Variants in UTS2 observed in about 807,000 individuals in gnomAD.
UTS2 encodes urotensin 2, also known as urotensin-2.
In UTS2, 10 loss-of-function variants were observed where a neutral mutation model predicts 12.6. The ratio of observed to expected loss-of-function variants is 0.80; its 90% CI spans 0.49 to 1.35. UTS2 has a LOEUF of 1.35. UTS2 is among the 40% of genes most tolerant of loss of function. UTS2 has a pLI of 0.00. For synonymous variants in UTS2, 52 were observed against 50.0 expected, an observed-to-expected ratio of 1.04 and a Z score of -0.17; for missense variants, 142 against 143.2, an observed-to-expected ratio of 0.99 and a Z score of 0.04.
chr1:7,860,517 T>C, the UTS2 span, among the ~76,000 whole-genome samples: 1 of 152,090 alleles, frequency 6.6e-6, no homozygotes, highest in African/African-American at 2.4e-5. Flanking sequence ...TAAAATGAGA[T>C]AGGAGGTCCA....
chr1:7,851,072 T>C (rs942663406), intron 1 of UTS2, 150 bp from the exon 2 acceptor site: 1 of 722,684 alleles, frequency 1.4e-6, no homozygotes, highest in Middle Eastern at 3.9e-4. Context: ...AGTGGTATTC[T>C]AGAAGAGGTG....
the UTS2 span, among the ~76,000 whole-genome samples, chr1:7,862,992 T>G: frequency 1.1e-4 from 2 of 18,764 alleles, no homozygotes; most frequent in South Asian, 1.7e-3. Context: ...TGTGTTGTGT[T>G]GTATTGTATT....
At chr1:7,888,451 G>T in the UTS2 span, among the ~76,000 whole-genome samples, 1 of 150,942 alleles carries the variant, frequency 6.6e-6, no homozygotes, top group South Asian at 2.1e-4. Flanking sequence ...CACTGCCAAC[G>T]CTCATTCACT....
the UTS2 span, among the ~76,000 whole-genome samples, chr1:7,887,290 C>T: frequency 3.0e-4 from 45 of 152,018 alleles, no homozygotes; most frequent in Middle Eastern, 0.01. Context: ...TCCTTGCAGG[C>T]AACACCCTGC....
At chr1:7,850,741 C>T (rs562999547) in intron 2 of UTS2, 71 bp downstream of exon 2, 1 of 1,469,796 alleles carries the variant, frequency 6.8e-7, no homozygotes, top group Non-Finnish European at 9.5e-7. Flanking sequence ...TTTACCTCTT[C>T]TAGATGAGGA....
chr1:7,856,782 C>T (rs530015682), upstream of UTS2, among the ~76,000 whole-genome samples: 64 of 152,244 alleles, frequency 4.2e-4, 1 homozygote, highest in Admixed American at 9.8e-4. Context: ...AGAAAACAGC[C>T]GGGCACGGTG....
chr1:7,893,830 T>C, the UTS2 span, among the ~76,000 whole-genome samples: 3 of 152,202 alleles, frequency 2.0e-5, no homozygotes, highest in Non-Finnish European at 2.9e-5. Context: ...CACTAAAATA[T>C]GACCGTCCTT....
At chr1:7,881,937 C>A in the UTS2 span, among the ~76,000 whole-genome samples, 1 of 152,100 alleles carries the variant, frequency 6.6e-6, no homozygotes, top group Non-Finnish European at 1.5e-5. Context: ...GACACATAGA[C>A]CAATGGAAAA....
At chr1:7,848,438 CAAT>C (rs1238473995) in intron 3 of UTS2, among the ~76,000 whole-genome samples, 4 of 151,894 alleles carry the variant, frequency 2.6e-5, no homozygotes, top group Admixed American at 2.0e-4. Context: ...GACCCTGTCT[CAAT>C]AAATAAATAA....
At chr1:7,881,644 AC>A in the UTS2 span, among the ~76,000 whole-genome samples, 1 of 152,188 alleles carries the variant, frequency 6.6e-6, no homozygotes, top group African/African-American at 2.4e-5. Context: ...ACACAAAGAA[AC>A]TGCAAGATGT....
chr1:7,906,481 AAGAAAGAAAG>A, the UTS2 span, among the ~76,000 whole-genome samples: 2 of 149,962 alleles, frequency 1.3e-5, no homozygotes, highest in African/African-American at 4.9e-5. Flanking sequence ...GAAAGAAAGA[AAGAAAGAAAG>A]AAAGAAAGAA....
At chr1:7,872,357 G>T in the UTS2 span, among the ~76,000 whole-genome samples, 3,979 of 123,942 alleles carry the variant, frequency 0.032, 152 homozygotes, top group East Asian at 0.17. Flanking sequence ...AAAAGAAAAA[G>T]AAATGATTAA....
the UTS2 span, among the ~76,000 whole-genome samples, chr1:7,892,469 GTTTTTT>G: frequency 2.0e-3 from 153 of 77,750 alleles, no homozygotes; most frequent in African/African-American, 7.4e-3. Context: ...CCTCATGCAT[GTTTTTT>G]TTTTTTTTTT....
At chr1:7,903,994 A>T in the UTS2 span, among the ~76,000 whole-genome samples, 1 of 152,208 alleles carries the variant, frequency 6.6e-6, no homozygotes, top group Non-Finnish European at 1.5e-5. Context: ...AGGCGAAAGA[A>T]GTTTGTTGCC....
chr1:7,872,347 A>G, the UTS2 span, among the ~76,000 whole-genome samples: 1 of 144,150 alleles, frequency 6.9e-6, no homozygotes, highest in Non-Finnish European at 1.5e-5. Context: ...AAAAAGAAAA[A>G]AAAGAAAAAG....
chr1:7,858,064 G>C (rs1638350687), upstream of UTS2, among the ~76,000 whole-genome samples: 1 of 152,134 alleles, frequency 6.6e-6, no homozygotes, highest in Non-Finnish European at 1.5e-5. Context: ...CAAGGAAGAG[G>C]CTGTTTGCCA....
chr1:7,907,682 T>C, the UTS2 span, among the ~76,000 whole-genome samples: 1 of 150,554 alleles, frequency 6.6e-6, no homozygotes, highest in Non-Finnish European at 1.5e-5. Flanking sequence ...AAAATGTAAA[T>C]AACTAACTGA....
chr1:7,884,066 G>A, the UTS2 span, among the ~76,000 whole-genome samples: 3 of 152,072 alleles, frequency 2.0e-5, no homozygotes, highest in South Asian at 6.2e-4. Context: ...CACCTGCCTT[G>A]GCCTCCCAAA....
the UTS2 span, among the ~76,000 whole-genome samples, chr1:7,885,133 T>C: frequency 0.018 from 2,174 of 121,530 alleles, 23 homozygotes; most frequent in African/African-American, 0.045. Flanking sequence ...CCACCTATCA[T>C]CCATCCATCC....
Sources: gnomAD v4.1 joint callset for allele counts (sites outside exome capture counted in the v4.1 genomes callset) on GRCh38, gnomAD v4.1.1 for gene constraint, MANE v1.5 for transcripts, NCBI Gene and HGNC (gene_info 2026-07-23, HGNC 2026-07-21) for gene names.